The following ARPP21 variants were observed in gnomAD, a reference collection of about 807,000 sequenced individuals.
ARPP21 encodes cAMP-regulated phosphoprotein 21.
ARPP21 carries 69 observed loss-of-function variants against 113.2 expected under a neutral mutation model. That is an observed-to-expected ratio of 0.61 (90% CI 0.50 to 0.74). The LOEUF is 0.74. Among genes scored for constraint, ARPP21 ranks in the 30% least tolerant of loss-of-function variants. The pLI is 0.00. For synonymous variants in ARPP21, 368 were observed against 375.5 expected (o/e 0.98, Z 0.23); for missense variants, 1,070 against 1,037.4 (o/e 1.03, Z -0.43).
intron 1 of ARPP21, among the ~76,000 whole-genome samples, chr3:35,651,524 G>T (rs1047510282): frequency 1.3e-5 from 2 of 151,988 alleles, no homozygotes; most frequent in Non-Finnish European, 2.9e-5. Context: ...CTACCCAACA[G>T]GAGTGAAATT....
At chr3:35,762,126 T>TCTCTCA (rs1424526664) in intron 19 of ARPP21, among the ~76,000 whole-genome samples, 21 of 126,954 alleles carry the variant, frequency 1.7e-4, no homozygotes, top group African/African-American at 3.3e-4. Context: ...TCTCTCTCTC[T>TCTCTCA]CACACACACA....
At chr3:35,722,403 A>T (rs932121741) in intron 14 of ARPP21, among the ~76,000 whole-genome samples, 1 of 152,230 alleles carries the variant, frequency 6.6e-6, no homozygotes, top group Non-Finnish European at 1.5e-5. Flanking sequence ...GATAAATAGA[A>T]ATAATAATAG....
At chr3:35,653,777 C>G (rs1703540405) in intron 1 of ARPP21, among the ~76,000 whole-genome samples, 1 of 152,004 alleles carries the variant, frequency 6.6e-6, no homozygotes, top group Admixed American at 6.6e-5. Context: ...CATGTACTGA[C>G]TATCCATTAA....
intron 19 of ARPP21, 136 bp from the exon 20 acceptor site, chr3:35,792,245 AT>A: frequency 1.4e-6 from 1 of 712,872 alleles, no homozygotes; most frequent in Non-Finnish European, 2.4e-6. Context: ...TTCTTAGGGA[AT>A]AAACATCTGA....
In ARPP21 at chr3:35,766,724, T is replaced by C. The variant is rs60620195; in HGVS notation, c.2137+22759T>C. Among the ~76,000 whole-genome samples, 566 of 152,300 alleles carry C rather than the reference T, an allele frequency of 3.7e-3. 5 individuals carry two copies. Among genetic ancestry groups the C allele is most frequent in the African/African-American group, 0.012 (481 of 41,566 alleles). ...TATCATTTGCCAGAACAATAAGTTA[T>C]CATTTTACCTTATAGATGCAATGCT... is the stretch of plus-strand genomic sequence containing the variant. On this transcript the variant is annotated intron_variant, in intron 19 of 20. Transcript: ENST00000684406.
intron 17 of ARPP21, 73 bp downstream of exon 17, chr3:35,738,391 C>A: frequency 7.7e-7 from 1 of 1,298,928 alleles, no homozygotes; most frequent in Non-Finnish European, 1.1e-6. Flanking sequence ...TTTTTGTGTG[C>A]CACTGGCTGA....
At chr3:35,698,008 C>T (rs557228609) in intron 9 of ARPP21, among the ~76,000 whole-genome samples, 20 of 151,682 alleles carry the variant, frequency 1.3e-4, no homozygotes, top group Non-Finnish European at 2.7e-4. Context: ...CATTTCTAAA[C>T]ATGGTAAATT....
intron 18 of ARPP21, among the ~76,000 whole-genome samples, chr3:35,740,903 G>A (rs1206106079): frequency 6.6e-6 from 1 of 151,846 alleles, no homozygotes; most frequent in Non-Finnish European, 1.5e-5. Flanking sequence ...TTCGAGACCA[G>A]CCTGCACAAT....
intron 1 of ARPP21, among the ~76,000 whole-genome samples, chr3:35,648,821 C>T (rs1397086610): frequency 6.6e-5 from 10 of 152,160 alleles, no homozygotes; most frequent in African/African-American, 2.2e-4. Flanking sequence ...TGTCAGCATT[C>T]TTCTGGGGAA....
intron 11 of ARPP21, among the ~76,000 whole-genome samples, chr3:35,712,561 TGAAAGAGAGAGA>T (rs2091487946): frequency 2.1e-5 from 3 of 143,550 alleles, no homozygotes; most frequent in Non-Finnish European, 3.0e-5. Flanking sequence ...TGTGTGTGTG[TGAAAGAGAGAGA>T]GTGTGTGTGT....
chr3:35,724,971 G>T (rs2093414235), intron 14 of ARPP21, among the ~76,000 whole-genome samples: 1 of 152,144 alleles, frequency 6.6e-6, no homozygotes, highest in Non-Finnish European at 1.5e-5. Context: ...AATTGCACCA[G>T]ATGGTACAGG....
At chr3:35,740,343 C>A (rs181377791) in intron 18 of ARPP21, among the ~76,000 whole-genome samples, 1 of 152,186 alleles carries the variant, frequency 6.6e-6, no homozygotes, top group Admixed American at 6.5e-5. Context: ...GCACACCGAT[C>A]CCAAGAAAAT....
Position 35,678,231 on chromosome 3 carries a change from G to C in ARPP21, c.-212-1556G>C, listed in dbSNP as rs538130956. On this transcript the variant is annotated intron_variant, in intron 1 of 20. Transcript: ENST00000684406. ...AATTACATTGCTGTTCACCTGCTGA[G>C]TGAACTGTACAAATATGAGGGTCTT... is the stretch of plus-strand genomic sequence containing the variant. 8.3e-4 allele frequency among the ~76,000 whole-genome samples: 126 copies of C among 152,010 alleles called. 1 individual carries two copies. The highest frequency in any genetic ancestry group is 2.2e-3 in the African/African-American group (90 of 41,520).
chr3:35,692,243 A>T (rs1267238093), intron 9 of ARPP21, among the ~76,000 whole-genome samples: 1 of 151,720 alleles, frequency 6.6e-6, no homozygotes, highest in Admixed American at 6.6e-5. Flanking sequence ...AGCAAAACAC[A>T]TTTTAAAAAT....
chr3:35,659,791 T>C (rs1706821507), intron 1 of ARPP21, among the ~76,000 whole-genome samples: 1 of 152,196 alleles, frequency 6.6e-6, no homozygotes. Context: ...AGAAAACCTT[T>C]AGAGAATAAA....
At position 35,776,845 on chromosome 3, in the gene ARPP21, G is replaced by A. The variant is rs376579754; in HGVS notation, c.2138-15537G>A. ...GAGTCTGGGCCCAAGTGCCTTTCTA[G>A]GTGGTTCCTGCCTGGATATCTGCTT... is the stretch of plus-strand genomic sequence containing the variant. On this transcript the variant is annotated intron_variant, in intron 19 of 20. Transcript: ENST00000684406. Among the ~76,000 whole-genome samples the A allele has an allele frequency of 8.5e-5, 13 of 152,148 alleles. No individual in the cohort carries two copies. The East Asian group carries it at 2.5e-3, about 29-fold the overall frequency.
At chr3:35,710,758 G>C (rs181964988) in intron 11 of ARPP21, among the ~76,000 whole-genome samples, 2 of 152,314 alleles carry the variant, frequency 1.3e-5, no homozygotes, top group East Asian at 1.9e-4. Context: ...ACTAATGCCT[G>C]TCTGTAATGA....
chr3:35,646,117 C>T (rs1015056528), intron 1 of ARPP21, among the ~76,000 whole-genome samples: 9 of 151,962 alleles, frequency 5.9e-5, no homozygotes, highest in African/African-American at 2.2e-4. Context: ...CTAGAAAAAT[C>T]GAGCCACTGG....
At position 35,642,231 on chromosome 3, in the gene ARPP21, G is replaced by A. The variant is rs372139147; in HGVS notation, c.-213+1833G>A. On this transcript the variant is annotated intron_variant, in intron 1 of 20. Transcript: ENST00000684406. ...CCCTCTTAGATCCCAGTTGAGTATGGTTACCTTGAGAACTGTGGTATTAGC... is the reference window on the plus strand; with the variant it reads ...CCCTCTTAGATCCCAGTTGAGTATGATTACCTTGAGAACTGTGGTATTAGC... 3.3e-5 allele frequency: 5 copies of A among 152,202 alleles called. No individual in the cohort carries two copies. The South Asian group carries it at 1.0e-3, about 32-fold the overall frequency. The allele number at this position is 152,202 out of a possible 1,614,324, so 9.4% of individuals were successfully genotyped here.
Sources: allele counts gnomAD v4.1 joint callset (sites outside exome capture counted in the v4.1 genomes callset), GRCh38; gene constraint gnomAD v4.1.1; transcripts MANE v1.5; gene names NCBI Gene and HGNC (gene_info 2026-07-23, HGNC 2026-07-21).